FOCAD: variants seen among roughly 807,000 people sequenced by gnomAD.
FOCAD encodes the protein focadhesin.
A neutral mutation model predicts 225.6 loss-of-function variants in FOCAD; 198 were observed. The observed-to-expected ratio is 0.88, with a 90% CI of 0.78 to 0.99. The LOEUF is 0.99. FOCAD is among the 50% of genes least tolerant of loss of function. The probability of loss-of-function intolerance (pLI) is 0.00; values close to 1 mark genes in which losing one functional copy is unlikely to be tolerated. For synonymous variants in FOCAD, 897 were observed against 755.0 expected, an observed-to-expected ratio of 1.19 and a Z score of -3.08; for missense variants, 2,713 against 2,123.6, an observed-to-expected ratio of 1.28 and a Z score of -5.46.
chr9:20,906,465 G>T (rs956700198), intron 21 of FOCAD, among the ~76,000 whole-genome samples: 1 of 151,956 alleles, frequency 6.6e-6, no homozygotes, highest in Non-Finnish European at 1.5e-5. Context: ...GCAGACCTTG[G>T]GAAGATTTGT....
At chr9:20,779,390 G>A (rs1819125610) in intron 9 of FOCAD, among the ~76,000 whole-genome samples, 1 of 152,126 alleles carries the variant, frequency 6.6e-6, no homozygotes, top group African/African-American at 2.4e-5. Context: ...ATAACAATGA[G>A]AGCTCTAAAT....
At chr9:20,764,759 A>C in intron 6 of FOCAD, 110 bp from the exon 7 acceptor site, 1 of 824,324 alleles carries the variant, frequency 1.2e-6, no homozygotes, top group Non-Finnish European at 2.0e-6. Context: ...GTTACACTTG[A>C]TGATATGGTA....
Position 20,995,619 on chromosome 9 carries a change from ATGGTTGG to A in FOCAD, c.5399_5405del (p.Gly1800GlufsTer34). Reference sequence around the variant, plus strand: ...AAGAAAGCTGTATGGACCAGAGCATATGGTTGGTGAACAGTTTTGCAGTAACCAGCAG... The same window carrying A: ...AAGAAAGCTGTATGGACCAGAGCATATGAACAGTTTTGCAGTAACCAGCAG... On this transcript the variant is annotated frameshift_variant, in exon 44 of 44. Coordinates refer to ENST00000338382, the MANE Select transcript of FOCAD (RefSeq NM_001375567.1). LOFTEE classifies it high-confidence loss of function. 1 of 1,612,530 alleles carries A rather than the reference ATGGTTGG, an allele frequency of 6.2e-7. No homozygotes were observed.
intron 7 of FOCAD, among the ~76,000 whole-genome samples, chr9:20,766,438 C>T (rs1022505458): frequency 8.5e-5 from 13 of 152,204 alleles, no homozygotes; most frequent in Admixed American, 2.6e-4. Flanking sequence ...ATGACTATCT[C>T]ATGGCTAATT....
chr9:20,805,349 C>G (rs541819164), intron 11 of FOCAD, among the ~76,000 whole-genome samples: 1 of 152,192 alleles, frequency 6.6e-6, no homozygotes, highest in South Asian at 2.1e-4. Flanking sequence ...AACCAGAGTT[C>G]CTTTCCAATG....
At chr9:20,974,423 T>C (rs1479255178) in intron 35 of FOCAD, among the ~76,000 whole-genome samples, 2 of 99,976 alleles carry the variant, frequency 2.0e-5, no homozygotes, top group African/African-American at 8.1e-5. Flanking sequence ...TCCTTTTCCC[T>C]GTGCTTCTCT....
chr9:20,803,758 T>A (rs1822096914), intron 11 of FOCAD, among the ~76,000 whole-genome samples: 1 of 152,116 alleles, frequency 6.6e-6, no homozygotes, highest in Non-Finnish European at 1.5e-5. Context: ...AGTAGGTTAA[T>A]CCCCTTGGGA....
intron 11 of FOCAD, among the ~76,000 whole-genome samples, chr9:20,801,244 G>A (rs895181764): frequency 3.3e-5 from 5 of 152,152 alleles, no homozygotes; most frequent in Non-Finnish European, 5.9e-5. Context: ...AAAGTGAAAA[G>A]CGTTACATGG....
intron 4 of FOCAD, among the ~76,000 whole-genome samples, chr9:20,738,203 ATG>A (rs1233984829): frequency 6.6e-6 from 1 of 152,244 alleles, no homozygotes; most frequent in Admixed American, 6.5e-5. Context: ...TCTCAGAAGA[ATG>A]TGAACAGTTC....
At chr9:20,886,679 T>G (rs762683964) in intron 21 of FOCAD, among the ~76,000 whole-genome samples, 26 of 151,816 alleles carry the variant, frequency 1.7e-4, no homozygotes, top group Non-Finnish European at 2.5e-4. Context: ...GTTTTAGGGG[T>G]CAATTAGAAG....
At chr9:20,940,944 G>A (rs1245600637) in intron 28 of FOCAD, among the ~76,000 whole-genome samples, 1 of 151,942 alleles carries the variant, frequency 6.6e-6, no homozygotes, top group African/African-American at 2.4e-5. Context: ...TGACATGCAA[G>A]TGTCACCCAC....
At chr9:20,830,765 T>C (rs1224431956) in intron 15 of FOCAD, among the ~76,000 whole-genome samples, 3 of 152,020 alleles carry the variant, frequency 2.0e-5, no homozygotes, top group Non-Finnish European at 4.4e-5. Context: ...GCAGCCTTTA[T>C]CTCTGGGTGC....
chr9:20,665,915 G>A (rs1821885820), intron 2 of FOCAD, among the ~76,000 whole-genome samples: 1 of 151,710 alleles, frequency 6.6e-6, no homozygotes, highest in African/African-American at 2.4e-5. Flanking sequence ...ATATATTTTA[G>A]ACGGAGTCTC....
chr9:20,694,538 A>G (rs1443325954), intron 1 of FOCAD: 1 of 152,208 alleles, frequency 6.6e-6, no homozygotes, highest in African/African-American at 2.4e-5. Flanking sequence ...GGAAATTTCC[A>G]TCCACACAGA....
intron 18 of FOCAD, among the ~76,000 whole-genome samples, chr9:20,871,914 TAATAA>T (rs1829812133): frequency 1.6e-5 from 1 of 62,172 alleles, no homozygotes; most frequent in Non-Finnish European, 3.0e-5. Flanking sequence ...ATAATAATAA[TAATAA>T]AATAAAAAAA....
chr9:20,830,661 A>C (rs981694086), intron 15 of FOCAD, among the ~76,000 whole-genome samples: 1 of 152,052 alleles, frequency 6.6e-6, no homozygotes, highest in African/African-American at 2.4e-5. Flanking sequence ...TGAATATTTA[A>C]GTTGCTTCCC....
intron 1 of FOCAD, chr9:20,694,406 T>G (rs1485090214): frequency 6.6e-6 from 1 of 152,200 alleles, no homozygotes; most frequent in East Asian, 1.9e-4. Context: ...CATGAAGCTA[T>G]TATAAGGAGT....
Position 20,944,748 on chromosome 9 carries a change from G to T in FOCAD, c.3529G>T (p.Gly1177Trp). 1 of 1,613,620 alleles carries T rather than the reference G, an allele frequency of 6.2e-7. No homozygotes were observed. The highest frequency in any genetic ancestry group is 2.2e-5 in the East Asian group (1 of 44,850). Residue 1177 changes from glycine (G) to tryptophan (W), a missense_variant, in exon 29 of 44, where the codon GGG becomes TGG. Gly to Trp is a radical substitution (Grantham distance 184, BLOSUM62 -2). Coordinates refer to ENST00000338382, the MANE Select transcript of FOCAD (RefSeq NM_001375567.1). ...GCTGTCTGCGCACGTAGATGACAGC[G>T]GGAGCCAGAGCAGAACGTTTCAGGA... ...RKLSAHVDDSGSQSRTFQEVL... is the reference protein window; with the variant it reads ...RKLSAHVDDSWSQSRTFQEVL...
chr9:20,716,175 C>A (rs1384503389), intron 2 of FOCAD: 3 of 471,578 alleles, frequency 6.4e-6, no homozygotes, highest in Non-Finnish European at 1.4e-5. Context: ...TTCCCTTCTA[C>A]CTGGCTGGGT....
Sources: allele counts gnomAD v4.1 joint callset (sites outside exome capture counted in the v4.1 genomes callset), GRCh38; gene constraint gnomAD v4.1.1; transcripts MANE v1.5; gene names NCBI Gene and HGNC (gene_info 2026-07-23, HGNC 2026-07-21).